Variants in TLE5 observed in about 807,000 individuals in gnomAD.
The protein encoded by TLE5 is TLE family member 5.
A neutral mutation model predicts 25.8 loss-of-function variants in TLE5; 7 were observed. The ratio of observed to expected loss-of-function variants is 0.27; its 90% confidence interval spans 0.15 to 0.51. The LOEUF is 0.51. TLE5 is among the 20% of genes least tolerant of loss of function. The pLI is 0.97. For synonymous variants in TLE5, 132 were observed against 110.5 expected, an observed-to-expected ratio of 1.20 and a Z score of -1.22; for missense variants, 149 against 250.7, an observed-to-expected ratio of 0.59 and a Z score of 2.74.
At chr19:3,057,878 A>C (rs1380462854) in intron 2 of TLE5, 136 bp from the exon 3 acceptor site, 1 of 773,160 alleles carries the variant, frequency 1.3e-6, no homozygotes, top group Admixed American at 2.5e-5. Context: ...CAGAGGGTCA[A>C]GCAATAATTT....
At chr19:3,062,712 C>T (rs753999456), upstream of TLE5, 46 of 1,518,092 alleles carry the variant, frequency 3.0e-5, no homozygotes, top group South Asian at 4.9e-4. Context: ...GGCAGCCGGC[C>T]GGGCCTCGGT....
chr19:3,059,264 G>A (rs2090244885), intron 2 of TLE5, among the ~76,000 whole-genome samples: 1 of 152,198 alleles, frequency 6.6e-6, no homozygotes, highest in South Asian at 2.1e-4. Flanking sequence ...GCTCACGCCT[G>A]TAATCCCAGC....
chr19:3,057,844 G>T (rs1004360945), intron 2 of TLE5, 102 bp from the exon 3 acceptor site: 1 of 1,075,852 alleles, frequency 9.3e-7, no homozygotes, highest in Non-Finnish European at 1.4e-6. Flanking sequence ...CAAGTCCCCT[G>T]TAAGGGCAAG....
intron 6 of TLE5, 34 bp downstream of exon 6, chr19:3,054,086 T>TGGGGGGGGGGGCCCCC: frequency 8.6e-6 from 13 of 1,512,694 alleles, no homozygotes; most frequent in Non-Finnish European, 1.2e-5. Flanking sequence ...GGCCCACCTG[T>TGGGGGGGGGGGCCCCC]CCCCCGCCCA....
chr19:3,062,571 G>A (rs1221499325), upstream of TLE5: 3 of 859,206 alleles, frequency 3.5e-6, no homozygotes, highest in African/African-American at 3.7e-5. Context: ...GCCGAGGGGG[G>A]GGACGCGCGC....
intron 2 of TLE5, 102 bp from the exon 3 acceptor site, chr19:3,057,844 G>A (rs1004360945): frequency 9.3e-6 from 10 of 1,075,854 alleles, no homozygotes; most frequent in South Asian, 1.3e-5. Flanking sequence ...CAAGTCCCCT[G>A]TAAGGGCAAG....
chr19:3,054,271 CCAGGAGGAGCCCCA>C, intron 5 of TLE5, 77 bp from the exon 6 acceptor site: 1 of 1,405,078 alleles, frequency 7.1e-7, no homozygotes, highest in Non-Finnish European at 9.9e-7. Context: ...GGCCCTGAGG[CCAGGAGGAGCCCCA>C]CTACCAAGTG....
rs113385867 is a variant in TLE5 at position 3,057,359 on chromosome 19, C to T, written c.189+320G>A. 761 of 381,440 alleles carry T rather than the reference C, an allele frequency of 2.0e-3. 10 individuals are homozygous for T. Among genetic ancestry groups the T allele is most frequent in the African/African-American group, 0.015 (710 of 48,308 alleles). The allele number at this position is 381,440 out of a possible 1,614,324, so 23.6% of individuals were successfully genotyped here. A position where few individuals can be genotyped will look rare whatever the true frequency, so the allele number is the denominator to read the frequency against. On this transcript the variant is annotated intron_variant, in intron 3 of 6. Coordinates refer to ENST00000327141, the MANE Select transcript of TLE5 (RefSeq NM_001130.6). The stretch of plus-strand genomic sequence containing the variant: ...GGGGAGGGACTCGGCTGCTCCCCCA[C>T]GTCAGTTCCTGGCTGTTGGCTTTCA...
intron 2 of TLE5, among the ~76,000 whole-genome samples, chr19:3,060,217 C>G (rs976617014): frequency 6.6e-6 from 1 of 152,054 alleles, no homozygotes; most frequent in African/African-American, 2.4e-5. Context: ...TATCCTTAAA[C>G]CAGGAGAGAG....
chr19:3,062,215 G>A lies in TLE5; in HGVS notation c.-15C>T, dbSNP rs1229004323. On this transcript the variant is annotated 5_prime_UTR_variant, in exon 1 of 7. Transcript: ENST00000327141. The stretch of plus-strand genomic sequence containing the variant: ...GGAAACATCATGTCAATCGCGGCGG[G>A]GGGCGCGGGCTGCGCCCCGGCTGTG... The A allele has an allele frequency of 1.8e-6, 2 of 1,129,934 alleles. No individual in the cohort carries two copies. The highest frequency in any genetic ancestry group is 2.2e-6 in the Non-Finnish European group (2 of 921,418). 70.0% of individuals were successfully genotyped at this position (1,129,934 alleles called of 1,614,324 possible).
At chr19:3,062,083 G>C (rs1399864944) in intron 1 of TLE5, 91 bp downstream of exon 1, 3 of 652,678 alleles carry the variant, frequency 4.6e-6, no homozygotes, top group African/African-American at 2.0e-5. Flanking sequence ...ACCGGGCCTG[G>C]GGGTTGGGGG....
chr19:3,057,746 A>T lies in TLE5; in HGVS notation c.126-4T>A, dbSNP rs1568264806. 1 of 1,613,440 alleles carries T rather than the reference A, an allele frequency of 6.2e-7. No homozygotes were observed. The stretch of plus-strand genomic sequence containing the variant: ...CTTGTCACATTCGAGCTTGAGGCTG[A>T]GGAGGCACAGGGGGGAGATGGGGTG... On this transcript the variant is annotated splice_polypyrimidine_tract_variant and splice_region_variant and intron_variant, in intron 2 of 6. Coordinates refer to ENST00000327141, the MANE Select transcript of TLE5 (RefSeq NM_001130.6).
At chr19:3,056,737 C>G (rs929987251) in intron 3 of TLE5, 1 of 369,072 alleles carries the variant, frequency 2.7e-6, no homozygotes, top group Admixed American at 3.4e-5. Context: ...GGGAAGTTTG[C>G]CTGCCTAGGT....
intron 6 of TLE5, 34 bp downstream of exon 6, chr19:3,054,086 T>TCGGGGGGGCG: frequency 6.6e-7 from 1 of 1,512,808 alleles, no homozygotes; most frequent in Non-Finnish European, 8.9e-7. Context: ...GGCCCACCTG[T>TCGGGGGGGCG]CCCCCGCCCA....
At chr19:3,062,948 G>T, upstream of TLE5, 1 of 764,414 alleles carries the variant, frequency 1.3e-6, no homozygotes, top group Non-Finnish European at 2.1e-6. Context: ...CCTACTGTGT[G>T]CCAGGCCCCG....
chr19:3,062,575 C>A, upstream of TLE5: 1 of 880,842 alleles, frequency 1.1e-6, no homozygotes, highest in Non-Finnish European at 1.4e-6. Context: ...AGGGGGGGGA[C>A]GCGCGCGCCC....
chr19:3,056,609 A>T (rs988444777), intron 3 of TLE5: 1 of 661,592 alleles, frequency 1.5e-6, no homozygotes, highest in African/African-American at 1.8e-5. Flanking sequence ...GGGGCACTTT[A>T]GGTCCCTAGC....
Position 3,057,793 on chromosome 19 carries a change from G to GC in TLE5, c.126-52dup, listed in dbSNP as rs543134546. The GC allele has an allele frequency of 3.2e-6, 5 of 1,561,412 alleles. 1 individual carries two copies. The South Asian group carries it at 3.4e-5, about 10-fold the overall frequency. The stretch of plus-strand genomic sequence containing the variant: ...GGTGGTTAGTGGCGGCTGGGCGGGA[G>GC]CCCCCCACCCTCCGTTATCCAGGGG... On this transcript the variant is annotated intron_variant, in intron 2 of 6. Coordinates refer to ENST00000327141, the MANE Select transcript of TLE5 (RefSeq NM_001130.6).
intron 4 of TLE5, 38 bp from the exon 5 acceptor site, chr19:3,055,764 G>T (rs758063896): frequency 1.3e-6 from 2 of 1,568,178 alleles, no homozygotes; most frequent in South Asian, 1.2e-5. Context: ...AGTCCTGGGC[G>T]GGTGGCAGGT....
Sources: allele counts gnomAD v4.1 joint callset (sites outside exome capture counted in the v4.1 genomes callset), GRCh38; gene constraint gnomAD v4.1.1; transcripts MANE v1.5; gene names NCBI Gene and HGNC (gene_info 2026-07-23, HGNC 2026-07-21).